BABAM1: variants seen among roughly 807,000 people sequenced by gnomAD.
BABAM1 encodes BRISC and BRCA1-A complex member 1.
A neutral mutation model predicts 34.4 loss-of-function variants in BABAM1; 14 were observed. That is an observed-to-expected ratio of 0.41 (90% CI 0.27 to 0.64). BABAM1 has a LOEUF of 0.64. Ranked by LOEUF, BABAM1 falls within the 30% of genes least tolerant of loss-of-function variation. The pLI is 0.34. For synonymous variants in BABAM1, 169 were observed against 165.8 expected, an observed-to-expected ratio of 1.02 and a Z score of -0.15; for missense variants, 393 against 434.0, an observed-to-expected ratio of 0.91 and a Z score of 0.84.
At chr19:17,267,938 A>G (rs2073788101) in intron 1 of BABAM1, among the ~76,000 whole-genome samples, 1 of 152,022 alleles carries the variant, frequency 6.6e-6, no homozygotes, top group African/African-American at 2.4e-5. Context: ...TTAAGGAAGA[A>G]AAGGAAGTTG....
At chr19:17,276,719 T>G (rs2073913471) in intron 7 of BABAM1, 95 bp downstream of exon 7, 1 of 1,555,066 alleles carries the variant, frequency 6.4e-7, no homozygotes, top group African/African-American at 1.4e-5. Flanking sequence ...CTGGGGTGCC[T>G]AGAGGTAAGT....
At chr19:17,271,345 C>A (rs143944818) in intron 2 of BABAM1, among the ~76,000 whole-genome samples, 1 of 152,106 alleles carries the variant, frequency 6.6e-6, no homozygotes, top group Non-Finnish European at 1.5e-5. Context: ...AGCCACAGTT[C>A]GATCCACTAT....
chr19:17,278,315 T>C (rs2073935215), intron 8 of BABAM1, among the ~76,000 whole-genome samples: 1 of 137,326 alleles, frequency 7.3e-6, no homozygotes, highest in South Asian at 2.1e-4. Context: ...CTGGGGACTC[T>C]TTTTTTTTTT....
intron 2 of BABAM1, among the ~76,000 whole-genome samples, chr19:17,270,697 T>A (rs1274181565): frequency 1.3e-5 from 2 of 151,906 alleles, no homozygotes; most frequent in Non-Finnish European, 2.9e-5. Context: ...AACAAATTTT[T>A]TTTTTTTTGA....
At chr19:17,276,304 A>T in intron 6 of BABAM1, 191 bp from the exon 7 acceptor site, 2 of 768,646 alleles carry the variant, frequency 2.6e-6, no homozygotes, top group Non-Finnish European at 4.1e-6. Flanking sequence ...CATTGCACTT[A>T]GAGGGGTGGG....
chr19:17,268,760 G>A, intron 1 of BABAM1, 34 bp from the exon 2 acceptor site: 1 of 1,530,912 alleles, frequency 6.5e-7, no homozygotes, highest in South Asian at 1.3e-5. Flanking sequence ...TCCAAGGGGA[G>A]GATTCTGGCT....
In BABAM1 at chr19:17,269,063, C is replaced by T. The variant is rs763500278; in HGVS notation, c.257C>T (p.Thr86Ile). 13 of 1,607,022 alleles carry T rather than the reference C, an allele frequency of 8.1e-6. No individual in the cohort carries two copies. In the South Asian group the frequency reaches 1.4e-4, roughly 18 times the overall value. ...CCAGCCCCTGAGGTCCAAATTCGGA[C>T]ACCAAGGGTCAACTGTCCAGAGAAA... is the stretch of plus-strand genomic sequence containing the variant. Reference protein sequence around the residue: ...PPPAPEVQIRTPRVNCPEKVI... With the variant: ...PPPAPEVQIRIPRVNCPEKVI... Residue 86 changes from threonine to isoleucine, a missense_variant, in exon 2 of 9, where the codon ACA becomes ATA. Physicochemically the swap from Thr to Ile is moderately conservative, Grantham distance 89 (BLOSUM62 -1). Coordinates refer to ENST00000598188, the MANE Select transcript of BABAM1 (RefSeq NM_014173.4).
chr19:17,274,767 G>T (rs530266163), intron 5 of BABAM1, among the ~76,000 whole-genome samples: 2 of 152,068 alleles, frequency 1.3e-5, no homozygotes, highest in African/African-American at 4.8e-5. Context: ...GACATAAAAG[G>T]CTCATGTGTG....
chr19:17,273,564 GTTT>G (rs754203595), intron 3 of BABAM1, among the ~76,000 whole-genome samples: 8 of 45,926 alleles, frequency 1.7e-4, no homozygotes, highest in South Asian at 1.3e-3. Context: ...TGTTTGTTTT[GTTT>G]TTTTTTTTTT....
At chr19:17,278,684 T>G (rs900342961) in intron 8 of BABAM1, among the ~76,000 whole-genome samples, 161 bp from the exon 9 acceptor site, 1 of 152,202 alleles carries the variant, frequency 6.6e-6, no homozygotes, top group African/African-American at 2.4e-5. Flanking sequence ...CGGGGAATGT[T>G]TGCTGAATGT....
intron 1 of BABAM1, among the ~76,000 whole-genome samples, chr19:17,267,925 G>T (rs2073787873): frequency 6.6e-6 from 1 of 151,790 alleles, no homozygotes; most frequent in Non-Finnish European, 1.5e-5. Context: ...TACTCAATCT[G>T]GCTTAAGGAA....
chr19:17,271,937 A>G (rs2073846128), intron 3 of BABAM1, among the ~76,000 whole-genome samples: 1 of 152,032 alleles, frequency 6.6e-6, no homozygotes, highest in Admixed American at 6.6e-5. Context: ...ATGTGTATGT[A>G]TGTATGTATT....
At chr19:17,271,380 C>T (rs1375083188) in intron 2 of BABAM1, among the ~76,000 whole-genome samples, 2 of 152,170 alleles carry the variant, frequency 1.3e-5, no homozygotes, top group Non-Finnish European at 2.9e-5. Flanking sequence ...GTTTCTGTGT[C>T]ACACATTCTC....
At position 17,279,045 on chromosome 19, in the gene BABAM1, C is replaced by G. The variant is rs1043611; in HGVS notation, c.987C>G (p.Val329=). 2 of 1,609,958 alleles carry G rather than the reference C, an allele frequency of 1.2e-6. No homozygotes were observed. The highest frequency in any genetic ancestry group is 3.4e-5 in the Admixed American group (2 of 59,492). The part of the protein sequence containing the change: ...EDEAIEVEAT[V] ...AAGCCATTGAGGTTGAGGCCACTGTCTGAACCATCCCTGTACATCTGCACC... is the reference window on the plus strand; with the variant it reads ...AAGCCATTGAGGTTGAGGCCACTGTGTGAACCATCCCTGTACATCTGCACC... Residue 329 remains valine, a synonymous_variant, in exon 9 of 9, where the codon GTC becomes GTG. Coordinates refer to ENST00000598188, the MANE Select transcript of BABAM1 (RefSeq NM_014173.4).
At chr19:17,273,495 C>T (rs1342262176) in intron 3 of BABAM1, among the ~76,000 whole-genome samples, 2 of 151,614 alleles carry the variant, frequency 1.3e-5, no homozygotes, top group East Asian at 1.9e-4. Flanking sequence ...ATGACCTATA[C>T]CTCCAGGGCC....
intron 3 of BABAM1, among the ~76,000 whole-genome samples, chr19:17,273,559 G>GTTTTTTTTTTTTTTT (rs1252906493): frequency 4.1e-5 from 1 of 24,614 alleles, no homozygotes. Context: ...TTTTTTGTTT[G>GTTTTTTTTTTTTTTT]TTTTGTTTTT....
intron 2 of BABAM1, among the ~76,000 whole-genome samples, chr19:17,269,962 G>T (rs1479162704): frequency 2.0e-5 from 3 of 148,492 alleles, no homozygotes; most frequent in Non-Finnish European, 4.5e-5. Context: ...GTCTCACTCT[G>T]TTGCCCAGGC....
intron 5 of BABAM1, among the ~76,000 whole-genome samples, chr19:17,274,961 A>C (rs1472096069): frequency 6.6e-6 from 1 of 152,086 alleles, no homozygotes; most frequent in Non-Finnish European, 1.5e-5. Flanking sequence ...GGCTGAGTGC[A>C]GTGATGCGAT....
In BABAM1 at chr19:17,268,831, C is replaced by T; in HGVS notation, c.25C>T (p.Pro9Ser). 1 of 1,609,044 alleles carries T rather than the reference C, an allele frequency of 6.2e-7. No homozygotes were observed. Among genetic ancestry groups the T allele is most frequent in the Non-Finnish European group, 8.5e-7 (1 of 1,177,208 alleles). Residue 9 changes from proline to serine, a missense_variant, in exon 2 of 9, where the codon CCC (proline) becomes TCC (serine). Pro to Ser is a moderately conservative substitution (Grantham distance 74, BLOSUM62 -1). Transcript: ENST00000598188. ...CATGGAAGTGGCAGAGCCCAGCAGC[C>T]CCACTGAAGAGGAGGAGGAGGAAGA... is the stretch of plus-strand genomic sequence containing the variant. MEVAEPSS[P>S]TEEEEEEEEH...
Sources: gnomAD v4.1 joint callset for allele counts (sites outside exome capture counted in the v4.1 genomes callset) on GRCh38, gnomAD v4.1.1 for gene constraint, MANE v1.5 for transcripts, NCBI Gene and HGNC (gene_info 2026-07-23, HGNC 2026-07-21) for gene names.